Variants in CCDC85C observed in about 807,000 individuals in gnomAD.
CCDC85C encodes coiled-coil domain containing 85C.
A neutral mutation model predicts 38.3 loss-of-function variants in CCDC85C; 18 were observed. That is an observed-to-expected ratio of 0.47 (90% CI 0.33 to 0.70). The LOEUF (loss-of-function observed/expected upper bound fraction) is 0.70. CCDC85C is among the 30% of genes least tolerant of loss of function. CCDC85C has a pLI of 0.03. For synonymous variants in CCDC85C, 264 were observed against 293.8 expected (o/e 0.90, Z 1.04); for missense variants, 566 against 621.2 (o/e 0.91, Z 0.94).
chr14:99,541,012 G>A (rs1897702197), intron 1 of CCDC85C, among the ~76,000 whole-genome samples: 1 of 152,164 alleles, frequency 6.6e-6, no homozygotes, highest in Non-Finnish European at 1.5e-5. Context: ...TTTTCACACT[G>A]GCAAGATGAT....
In CCDC85C at chr14:99,522,162, G is replaced by T; in HGVS notation, c.946C>A (p.Pro316Thr). 3 of 1,551,070 alleles carry T rather than the reference G, an allele frequency of 1.9e-6. No individual in the cohort carries two copies. Among genetic ancestry groups the T allele is most frequent in the Middle Eastern group, 1.7e-4 (1 of 5,992 alleles). The change falls in exon 3 of 6, where the codon CCG becomes ACG. Residue 316 changes from proline to threonine, a missense_variant. Coordinates refer to ENST00000380243, the MANE Select transcript of CCDC85C (RefSeq NM_001144995.2). ...YHSESQLASLPPSYQDSLQNG... is the reference protein window; with the variant it reads ...YHSESQLASLTPSYQDSLQNG... ...TGCAGGGAGTCCTGGTAGGAGGGCGGCAGGGACGCAAGCTGGGACTCCGAG... is the reference window on the plus strand; with the variant it reads ...TGCAGGGAGTCCTGGTAGGAGGGCGTCAGGGACGCAAGCTGGGACTCCGAG...
Position 99,502,258 on chromosome 14 carries a change from A to G in CCDC85C, c.*12988T>C, listed in dbSNP as rs1896850631. On this transcript the variant is annotated 3_prime_UTR_variant, in exon 6 of 6. Coordinates refer to ENST00000380243, the MANE Select transcript of CCDC85C (RefSeq NM_001144995.2). ...GGGAACCAGAGATCATAGCAGTAGC[A>G]GTGATGTATCTCGCAGGACGTTTGT... 1.2e-6 allele frequency: 2 copies of G among 1,607,274 alleles called. No individual in the cohort carries two copies. Among genetic ancestry groups the G allele is most frequent in the African/African-American group, 1.3e-5 (1 of 74,848 alleles).
intron 2 of CCDC85C, among the ~76,000 whole-genome samples, chr14:99,529,993 G>A (rs934104160): frequency 6.6e-5 from 10 of 152,232 alleles, no homozygotes; most frequent in Admixed American, 3.3e-4. Flanking sequence ...AAACTGAGGT[G>A]CAGAGAGGTT....
chr14:99,532,335 C>T (rs975128859), intron 2 of CCDC85C, among the ~76,000 whole-genome samples: 1 of 152,244 alleles, frequency 6.6e-6, no homozygotes, highest in African/African-American at 2.4e-5. Context: ...ACTTTCCTCA[C>T]AGGCAGTGCC....
chr14:99,567,329 C>A (rs773250851), intron 1 of CCDC85C, among the ~76,000 whole-genome samples: 1 of 152,184 alleles, frequency 6.6e-6, no homozygotes, highest in African/African-American at 2.4e-5. Context: ...GACTTCTGGT[C>A]GCCCCAGGGG....
intron 1 of CCDC85C, among the ~76,000 whole-genome samples, chr14:99,598,446 A>C (rs1375605390): frequency 6.6e-6 from 1 of 152,212 alleles, no homozygotes; most frequent in African/African-American, 2.4e-5. Flanking sequence ...GTGGCAAGCC[A>C]GCCTCGTGCA....
At position 99,503,764 on chromosome 14, in the gene CCDC85C, A is replaced by C. The variant is rs577488284; in HGVS notation, c.*11482T>G. 86 of 821,036 alleles carry C rather than the reference A, an allele frequency of 1.0e-4. No individual in the cohort carries two copies. The African/African-American group carries it at 1.3e-3, about 12-fold the overall frequency. 50.9% of individuals were successfully genotyped at this position (821,036 alleles called of 1,614,324 possible). On this transcript the variant is annotated 3_prime_UTR_variant, in exon 6 of 6. Coordinates refer to ENST00000380243, the MANE Select transcript of CCDC85C (RefSeq NM_001144995.2). ...GCCTTAAATCTTAACTTTAGAGCTC[A>C]TACAAAACTTTTCCATCAGCATTGT...
chr14:99,523,134 TC>T (rs1332351638), intron 2 of CCDC85C, among the ~76,000 whole-genome samples: 1 of 152,082 alleles, frequency 6.6e-6, no homozygotes, highest in East Asian at 1.9e-4. Flanking sequence ...CTGCGGAATG[TC>T]CCATAAATCA....
At chr14:99,573,234 G>A (rs559768449) in intron 1 of CCDC85C, among the ~76,000 whole-genome samples, 1 of 152,300 alleles carries the variant, frequency 6.6e-6, no homozygotes, top group South Asian at 2.1e-4. Flanking sequence ...GGACCTCCAG[G>A]TGCTCCCTGC....
chr14:99,572,770 T>C lies in CCDC85C; in HGVS notation c.793+30397A>G. 2.2e-6 allele frequency: 1 copy of C among 456,110 alleles called. No individual in the cohort carries two copies. Among genetic ancestry groups the C allele is most frequent in the Non-Finnish European group, 4.4e-6 (1 of 226,808 alleles). The allele number at this position is 456,110 out of a possible 1,614,324, so 28.3% of individuals were successfully genotyped here. On this transcript the variant is annotated intron_variant, in intron 1 of 5. Transcript: ENST00000380243. This position sits in a 1 kb window ranked among gnomAD's most constrained non-coding sequence, Gnocchi z 4.4. ...GGATTTGTTTGCCAGTTTATCCATCTTCCAAAGGAGACTTCTGTCTGTCTT... is the reference window on the plus strand; with the variant it reads ...GGATTTGTTTGCCAGTTTATCCATCCTCCAAAGGAGACTTCTGTCTGTCTT...
intron 1 of CCDC85C, among the ~76,000 whole-genome samples, chr14:99,561,784 A>G (rs1898122074): frequency 6.6e-6 from 1 of 152,168 alleles, no homozygotes; most frequent in African/African-American, 2.4e-5. Context: ...AAGGGGGCAG[A>G]GGAGGGATGC....
chr14:99,522,283 T>G, intron 2 of CCDC85C, 43 bp from the exon 3 acceptor site: 1 of 1,449,974 alleles, frequency 6.9e-7, no homozygotes, highest in Non-Finnish European at 9.4e-7. Context: ...AGGGCCAGGC[T>G]GAGGAGGACA....
intron 1 of CCDC85C, among the ~76,000 whole-genome samples, chr14:99,600,138 T>C (rs1260080387): frequency 6.6e-6 from 1 of 152,222 alleles, no homozygotes; most frequent in East Asian, 1.9e-4. Context: ...GATGCAAACA[T>C]TCAGGTGAGC....
intron 1 of CCDC85C, among the ~76,000 whole-genome samples, chr14:99,600,316 A>C (rs1330054771): frequency 2.0e-5 from 3 of 152,218 alleles, no homozygotes; most frequent in Admixed American, 2.0e-4. Flanking sequence ...AGGAGCACAG[A>C]GAGGCTTGGC....
chr14:99,512,474 A>C lies in CCDC85C; in HGVS notation c.*2772T>G, dbSNP rs1411633289. The C allele has an allele frequency of 4.6e-5, 7 of 152,166 alleles. No individual in the cohort carries two copies. Among genetic ancestry groups the C allele is most frequent in the Admixed American group, 4.6e-4 (7 of 15,276 alleles). 9.4% of individuals were successfully genotyped at this position (152,166 alleles called of 1,614,324 possible). A position where few individuals can be genotyped will look rare whatever the true frequency, so the allele number is the denominator to read the frequency against. On this transcript the variant is annotated 3_prime_UTR_variant, in exon 6 of 6. Transcript: ENST00000380243. ...ATGTATCTTGTTTCCTCAAGTTTCA[A>C]GAAAAAAAAAATGAAAGGTCACTTT...
intron 1 of CCDC85C, among the ~76,000 whole-genome samples, chr14:99,602,940 T>C (rs1286497636): frequency 6.6e-6 from 1 of 151,934 alleles, no homozygotes; most frequent in East Asian, 1.9e-4. Flanking sequence ...CGGCAGCAGG[T>C]TCTGAGCTGG....
chr14:99,567,773 C>T (rs8018065), intron 1 of CCDC85C, among the ~76,000 whole-genome samples: 87,375 of 151,518 alleles, frequency 0.58, 25,799 homozygotes, highest in African/African-American at 0.71. Context: ...TGCGGTGAGC[C>T]TAGATCGCAC....
In CCDC85C at chr14:99,572,091, A is replaced by G. The variant is rs1351740978; in HGVS notation, c.793+31076T>C. 1.3e-5 allele frequency among the ~76,000 whole-genome samples: 2 copies of G among 152,114 alleles called. No homozygotes were observed. The highest frequency in any genetic ancestry group is 3.9e-4 in the East Asian group (2 of 5,186). ...CCCCCAACCCTAACCCAGCACCCGC[A>G]AGTCTCTGGAAGGCAGCGGCAAGGG... On this transcript the variant is annotated intron_variant, in intron 1 of 5. Coordinates refer to ENST00000380243, the MANE Select transcript of CCDC85C (RefSeq NM_001144995.2). This position sits in a 1 kb window ranked among gnomAD's most constrained non-coding sequence, Gnocchi z 4.4.
In CCDC85C at chr14:99,569,746, G is replaced by A; in HGVS notation, c.793+33421C>T. ...ACATGTCACACACCCCACATTTCAG[G>A]TGCAATGCTCCAAGGCGACGCAGGG... On this transcript the variant is annotated intron_variant, in intron 1 of 5. Transcript: ENST00000380243. The surrounding 1 kb of genome is among the most constrained non-coding windows in gnomAD (Gnocchi z 4.3). Among the ~76,000 whole-genome samples the A allele has an allele frequency of 6.6e-6, 1 of 152,146 alleles. No homozygotes were observed. The highest frequency in any genetic ancestry group is 1.9e-4 in the East Asian group (1 of 5,188).
Sources: gnomAD v4.1 joint callset for allele counts (sites outside exome capture counted in the v4.1 genomes callset) on GRCh38, gnomAD v4.1.1 for gene constraint, Gnocchi (gnomAD v3.1) non-coding constraint, MANE v1.5 for transcripts, NCBI Gene and HGNC (gene_info 2026-07-23, HGNC 2026-07-21) for gene names.